Variants in KDM6A observed in about 807,000 individuals in gnomAD.
KDM6A encodes the protein lysine demethylase 6A.
Under a neutral mutation model 117.6 loss-of-function variants are expected in KDM6A, and 11 were observed. The ratio of observed to expected loss-of-function variants is 0.09; its 90% confidence interval spans 0.06 to 0.15. The LOEUF (loss-of-function observed/expected upper bound fraction) is 0.15. KDM6A is among the 10% of genes least tolerant of loss of function. The pLI is 1.00. For synonymous variants in KDM6A, 384 were observed against 396.1 expected (o/e 0.97, Z 0.36); for missense variants, 799 against 1,077.3 (o/e 0.74, Z 3.62).
In KDM6A at chrX:45,024,822, A is replaced by G. The variant is rs151016177; in HGVS notation, c.564+4092A>G. Reference sequence around the variant, plus strand: ...CAGTTATCTATCATGTAAAACAACCATAATTGGGGGCCAGCATAGATACTG... The same window carrying G: ...CAGTTATCTATCATGTAAAACAACCGTAATTGGGGGCCAGCATAGATACTG... On this transcript the variant is annotated intron_variant, in intron 6 of 29. Coordinates refer to ENST00000611820, the MANE Select transcript of KDM6A (RefSeq NM_001291415.2). Among the ~76,000 whole-genome samples, 4 of 111,324 alleles carry G rather than the reference A, an allele frequency of 3.6e-5. No individual in the cohort carries two copies. The Admixed American group carries it at 3.8e-4, about 11-fold the overall frequency.
intron 2 of KDM6A, among the ~76,000 whole-genome samples, chrX:44,931,258 C>T (rs564260967): frequency 2.7e-5 from 3 of 110,454 alleles, no homozygotes; most frequent in South Asian, 3.9e-4. Context: ...TTAGTAGAGA[C>T]GGGGTTTCAC....
At chrX:45,039,503 ATTTTTTTTTTTTT>A (rs756202597) in intron 8 of KDM6A, among the ~76,000 whole-genome samples, 1 of 61,255 alleles carries the variant, frequency 1.6e-5, no homozygotes, top group Non-Finnish European at 3.1e-5. Context: ...TCATTTGATA[ATTTTTTTTTTTTT>A]TTTTTTTTTT....
At chrX:45,081,871 C>T (rs938592754) in intron 21 of KDM6A, among the ~76,000 whole-genome samples, 8 of 110,118 alleles carry the variant, frequency 7.3e-5, no homozygotes, top group South Asian at 7.8e-4. Flanking sequence ...CTCCACCTCC[C>T]GGGTTCACGC....
chrX:44,986,434 A>G (rs904137007), intron 4 of KDM6A, among the ~76,000 whole-genome samples: 2 of 110,466 alleles, frequency 1.8e-5, no homozygotes, highest in Non-Finnish European at 3.8e-5. Context: ...GATCTTAGTT[A>G]TTTCTTGCCT....
At chrX:44,996,050 ATTAT>A (rs559291377) in intron 4 of KDM6A, among the ~76,000 whole-genome samples, 1 of 111,124 alleles carries the variant, frequency 9.0e-6, no homozygotes, top group African/African-American at 3.3e-5. Flanking sequence ...TCTTTCTGAA[ATTAT>A]TTATTTATTT....
At chrX:44,916,884 G>A (rs1365276368) in intron 2 of KDM6A, among the ~76,000 whole-genome samples, 1 of 110,510 alleles carries the variant, frequency 9.0e-6, no homozygotes, top group African/African-American at 3.3e-5. Flanking sequence ...GGGCACAAGC[G>A]ATCCTCCTGC....
chrX:45,061,912 T>A (rs1411908041), intron 15 of KDM6A, among the ~76,000 whole-genome samples: 1 of 110,247 alleles, frequency 9.1e-6, no homozygotes, highest in Non-Finnish European at 1.9e-5. Context: ...ATTTCTTTTT[T>A]TTTTTTTAAA....
At chrX:44,884,499 A>G (rs1461648029) in intron 2 of KDM6A, among the ~76,000 whole-genome samples, 1 of 111,949 alleles carries the variant, frequency 8.9e-6, no homozygotes, top group African/African-American at 3.2e-5. Flanking sequence ...CAGTTTTCTT[A>G]TCTGTAAAGT....
chrX:44,900,510 T>C (rs1167806028), intron 2 of KDM6A, among the ~76,000 whole-genome samples: 1 of 112,168 alleles, frequency 8.9e-6, no homozygotes, highest in Non-Finnish European at 1.9e-5. Context: ...ATTTATAGAC[T>C]TTTTTTCTGA....
intron 18 of KDM6A, among the ~76,000 whole-genome samples, chrX:45,074,507 C>T (rs1461577305): frequency 8.9e-6 from 1 of 111,804 alleles, no homozygotes; most frequent in African/African-American, 3.3e-5. Flanking sequence ...AGGGAAATTC[C>T]TATGTGTTTG....
intron 4 of KDM6A, among the ~76,000 whole-genome samples, chrX:45,006,621 T>C (rs2041505222): frequency 1.8e-5 from 2 of 110,842 alleles, no homozygotes; most frequent in African/African-American, 6.6e-5. Flanking sequence ...AAAATGGTTA[T>C]GACAGAGCAG....
chrX:45,077,182 T>C (rs1195199446), intron 19 of KDM6A, among the ~76,000 whole-genome samples: 1 of 110,292 alleles, frequency 9.1e-6, no homozygotes, highest in Non-Finnish European at 1.9e-5. Flanking sequence ...TTCTGTTTTA[T>C]ACATCTACCC....
chrX:44,956,044 A>G (rs2038305338), intron 2 of KDM6A, among the ~76,000 whole-genome samples: 1 of 111,868 alleles, frequency 8.9e-6, no homozygotes, highest in African/African-American at 3.2e-5. Context: ...AATGAGCTGA[A>G]TTAAGTTATA....
intron 2 of KDM6A, among the ~76,000 whole-genome samples, chrX:44,944,012 A>G (rs1482445296): frequency 9.0e-6 from 1 of 111,195 alleles, no homozygotes; most frequent in Non-Finnish European, 1.9e-5. Flanking sequence ...GTGGTACCTC[A>G]TTATGGTTTT....
Position 44,913,598 on chromosome X carries a change from C to T in KDM6A, c.225+39611C>T, listed in dbSNP as rs991806866. 5.4e-5 allele frequency among the ~76,000 whole-genome samples: 6 copies of T among 110,597 alleles called. No homozygotes were observed. In the East Asian group the frequency reaches 8.4e-4, roughly 16 times the overall value. On this transcript the variant is annotated intron_variant, in intron 2 of 29. Transcript: ENST00000611820. ...GATTACAGACATGAGCCACCATGCC[C>T]GGCTGTGTTAACTGTTTATATTATT... is the stretch of plus-strand genomic sequence containing the variant.
intron 3 of KDM6A, among the ~76,000 whole-genome samples, chrX:44,966,380 C>T (rs997428548): frequency 1.1e-4 from 12 of 110,849 alleles, no homozygotes; most frequent in African/African-American, 3.6e-4. Flanking sequence ...TGGGCTCCAG[C>T]GATCCTCCCG....
chrX:45,079,567 G>A (rs1462883825), intron 21 of KDM6A, among the ~76,000 whole-genome samples: 2 of 111,361 alleles, frequency 1.8e-5, no homozygotes, highest in Non-Finnish European at 3.8e-5. Context: ...ATTTTGAGAC[G>A]GAGTCTCCAT....
intron 2 of KDM6A, among the ~76,000 whole-genome samples, chrX:44,878,648 A>G (rs2031924173): frequency 8.9e-6 from 1 of 111,798 alleles, no homozygotes; most frequent in Non-Finnish European, 1.9e-5. Context: ...CTTTTTCAGT[A>G]AATAGTTCTT....
chrX:45,074,909 C>T (rs2045041977), intron 18 of KDM6A, among the ~76,000 whole-genome samples: 1 of 111,703 alleles, frequency 9.0e-6, no homozygotes, highest in South Asian at 3.7e-4. Context: ...AGACAGAATT[C>T]TACTAATCTG....
Sources: gnomAD v4.1 joint callset for allele counts (sites outside exome capture counted in the v4.1 genomes callset) on GRCh38, gnomAD v4.1.1 for gene constraint, MANE v1.5 for transcripts, NCBI Gene and HGNC (gene_info 2026-07-23, HGNC 2026-07-21) for gene names.